PSD3: variants seen among roughly 807,000 people sequenced by gnomAD.
The protein encoded by PSD3 is PH and SEC7 domain-containing protein 3.
A neutral mutation model predicts 105.5 loss-of-function variants in PSD3; 49 were observed. The observed-to-expected ratio is 0.46, with a 90% CI of 0.37 to 0.59. PSD3 has a LOEUF of 0.59. PSD3 is among the 20% of genes least tolerant of loss of function. The pLI is 0.00. For synonymous variants in PSD3, 557 were observed against 457.8 expected, an observed-to-expected ratio of 1.22 and a Z score of -2.77; for missense variants, 1,561 against 1,263.8, an observed-to-expected ratio of 1.24 and a Z score of -3.57.
Position 18,729,290 on chromosome 8 carries a change from C to A in PSD3, c.2172+36159G>T, listed in dbSNP as rs531294720. Among the ~76,000 whole-genome samples the A allele has an allele frequency of 3.3e-5, 5 of 152,288 alleles. No homozygotes were observed. The South Asian group carries it at 1.0e-3, about 32-fold the overall frequency. ...ATTCTGTAAAAGCTTAAGCAATGAGCTAAGGAAACAGCTCTAAGTGGTTCT... is the reference window on the plus strand; with the variant it reads ...ATTCTGTAAAAGCTTAAGCAATGAGATAAGGAAACAGCTCTAAGTGGTTCT... On this transcript the variant is annotated intron_variant, in intron 9 of 15. Coordinates refer to ENST00000327040, the MANE Select transcript of PSD3 (RefSeq NM_015310.4).
intron 9 of PSD3, chr8:18,763,128 T>G (rs968326518): frequency 2.9e-5 from 13 of 447,620 alleles, no homozygotes; most frequent in Middle Eastern, 6.6e-4. Context: ...CAAAGAAATC[T>G]GAACAGACAT....
intron 11 of PSD3, among the ~76,000 whole-genome samples, chr8:18,630,131 G>C (rs1806788023): frequency 2.0e-5 from 3 of 151,970 alleles, no homozygotes; most frequent in Admixed American, 6.6e-5. Context: ...GGCAGGAACA[G>C]AGATAGAAAC....
At chr8:18,622,427 A>T (rs1806181470) in intron 11 of PSD3, among the ~76,000 whole-genome samples, 1 of 152,196 alleles carries the variant, frequency 6.6e-6, no homozygotes, top group African/African-American at 2.4e-5. Flanking sequence ...ACACACTCTC[A>T]GTTTTGTGCT....
chr8:18,722,844 T>A (rs1055719431), intron 9 of PSD3, among the ~76,000 whole-genome samples: 16 of 152,152 alleles, frequency 1.1e-4, no homozygotes, highest in Non-Finnish European at 2.9e-5. Context: ...TGGAGTACAA[T>A]ATGCCCTCCA....
chr8:18,955,236 A>G (rs1173746520), intron 1 of PSD3, among the ~76,000 whole-genome samples: 1 of 152,072 alleles, frequency 6.6e-6, no homozygotes, highest in African/African-American at 2.4e-5. Context: ...CCTGATATAC[A>G]TGACGTCTCT....
At chr8:19,015,669 G>A (rs1827157456), upstream of PSD3, among the ~76,000 whole-genome samples, 1 of 152,190 alleles carries the variant, frequency 6.6e-6, no homozygotes, top group African/African-American at 2.4e-5. Context: ...GATATTTCTA[G>A]TTAAGGGACT....
intron 1 of PSD3, among the ~76,000 whole-genome samples, chr8:18,958,997 T>A (rs373976102): frequency 6.6e-6 from 1 of 151,492 alleles, no homozygotes; most frequent in Non-Finnish European, 1.5e-5. Flanking sequence ...CTTGGCTCAC[T>A]GCAACCTGCA....
intron 4 of PSD3, among the ~76,000 whole-genome samples, chr8:18,841,094 T>C (rs1031733718): frequency 4.6e-5 from 7 of 152,316 alleles, no homozygotes; most frequent in East Asian, 3.9e-4. Context: ...ATGATTTCAG[T>C]TGGGTAAAAA....
At chr8:18,575,313 G>GA (rs1563338188) in intron 12 of PSD3, 28 bp from the exon 13 acceptor site, 1 of 1,510,408 alleles carries the variant, frequency 6.6e-7, no homozygotes, top group Non-Finnish European at 8.9e-7. Flanking sequence ...GAAAATAAAG[G>GA]CAAAAATCAC....
intron 1 of PSD3, among the ~76,000 whole-genome samples, chr8:19,070,551 G>A (rs929239687): frequency 6.6e-6 from 1 of 152,124 alleles, no homozygotes; most frequent in African/African-American, 2.4e-5. Flanking sequence ...GGTGGCACAT[G>A]TCTGTAAACC....
chr8:18,871,770 C>T lies in PSD3; in HGVS notation c.1094G>A (p.Trp365Ter), dbSNP rs1184109774. Residue 365 changes from tryptophan to a stop codon, truncating the protein, a stop_gained, in exon 3 of 16, where the codon TGG becomes TAG. Transcript: ENST00000327040. LOFTEE classifies it high-confidence loss of function. ...SLTENVWDESWKAPSERPGTS... is the reference protein window; with the variant it reads ...SLTENVWDES ...GCCAGGCCTCTCTGAAGGAGCTTTCCAGGATTCATCCCAAACATTCTCAGT... is the reference window on the plus strand; with the variant it reads ...GCCAGGCCTCTCTGAAGGAGCTTTCTAGGATTCATCCCAAACATTCTCAGT... The T allele has an allele frequency of 6.2e-7, 1 of 1,614,042 alleles. No individual in the cohort carries two copies. Among genetic ancestry groups the T allele is most frequent in the Non-Finnish European group, 8.5e-7 (1 of 1,180,032 alleles).
intron 2 of PSD3, among the ~76,000 whole-genome samples, chr8:18,880,036 C>T (rs562728941): frequency 2.6e-5 from 4 of 152,232 alleles, no homozygotes; most frequent in Non-Finnish European, 5.9e-5. Context: ...CAAGAATTTC[C>T]TTTCAAATAA....
At chr8:18,721,330 G>C (rs116190290) in intron 9 of PSD3, 4 of 151,422 alleles carry the variant, frequency 2.6e-5, no homozygotes, top group African/African-American at 9.7e-5. Flanking sequence ...TGCTATGTAA[G>C]ACTCATTTTG....
chr8:18,921,398 T>G (rs1438071533), intron 2 of PSD3, among the ~76,000 whole-genome samples: 2 of 152,240 alleles, frequency 1.3e-5, no homozygotes, highest in Non-Finnish European at 2.9e-5. Context: ...GCTTAAAATG[T>G]AGAGATGCTT....
intron 1 of PSD3, among the ~76,000 whole-genome samples, chr8:18,944,906 CTCTTA>C: frequency 6.6e-6 from 1 of 152,160 alleles, no homozygotes; most frequent in Non-Finnish European, 1.5e-5. Flanking sequence ...TTCCATGCTT[CTCTTA>C]TATTTTCCAT....
intron 4 of PSD3, among the ~76,000 whole-genome samples, chr8:18,808,592 A>G (rs1259475492): frequency 6.6e-6 from 1 of 152,192 alleles, no homozygotes; most frequent in African/African-American, 2.4e-5. Flanking sequence ...GATCTTCTTC[A>G]AAAAGGTTTC....
intron 1 of PSD3, among the ~76,000 whole-genome samples, chr8:19,052,330 G>T (rs1828557137): frequency 6.6e-6 from 1 of 151,986 alleles, no homozygotes; most frequent in African/African-American, 2.4e-5. Context: ...ACATTAGCCA[G>T]GTGTGGTGAC....
rs191626077 is a variant in PSD3 at position 18,585,938 on chromosome 8, G to C, written c.2482-10653C>G. On this transcript the variant is annotated intron_variant, in intron 12 of 15. Transcript: ENST00000327040. The stretch of plus-strand genomic sequence containing the variant: ...GTATGACTCTTCGTAACTCTTCAAG[G>C]TGTGACTCTTCTTTTGGAAGAGCCT... Among the ~76,000 whole-genome samples, 228 of 152,174 alleles carry C rather than the reference G, an allele frequency of 1.5e-3. 2 individuals are homozygous for C. The highest frequency in any genetic ancestry group is 5.2e-3 in the African/African-American group (216 of 41,510).
chr8:18,697,936 T>C (rs1801352811), intron 9 of PSD3, among the ~76,000 whole-genome samples: 1 of 152,236 alleles, frequency 6.6e-6, no homozygotes, highest in Admixed American at 6.5e-5. Context: ...AGATGAATAA[T>C]GGTCCCCCCA....
Sources: gnomAD v4.1 joint callset for allele counts (sites outside exome capture counted in the v4.1 genomes callset) on GRCh38, gnomAD v4.1.1 for gene constraint, MANE v1.5 for transcripts, NCBI Gene and HGNC (gene_info 2026-07-23, HGNC 2026-07-21) for gene names.